KCNG2: variants seen among roughly 807,000 people sequenced by gnomAD.
KCNG2 encodes the protein potassium voltage-gated channel modifier subfamily G member 2.
In KCNG2, 7 loss-of-function variants were observed where a neutral mutation model predicts 12.3. The ratio of observed to expected loss-of-function variants is 0.57; its 90% CI spans 0.32 to 1.07. The LOEUF (loss-of-function observed/expected upper bound fraction) is 1.07. Ranked by LOEUF, KCNG2 falls within the 50% of genes least tolerant of loss-of-function variation. The pLI is 0.04. For missense variants in KCNG2, 703 were observed against 726.0 expected (o/e 0.97, Z 0.36); for synonymous variants, 414 against 351.4 (o/e 1.18, Z -1.99).
rs2123068070 is a variant in KCNG2 at position 79,864,005 on chromosome 18, C to T, written c.338C>T (p.Ala113Val). Residue 113 changes from alanine (A) to valine (V), a missense_variant, in exon 3 of 4, where the codon GCG (alanine) becomes GTG (valine). By Grantham distance (64) the Ala-to-Val change is moderately conservative. Transcript: ENST00000316249. Reference sequence around the variant, plus strand: ...CTGGCCTACTGGGGCATCGACGAGGCGCGCCTGGAGCGCTGCTGCCTGCGC... The same window carrying T: ...CTGGCCTACTGGGGCATCGACGAGGTGCGCCTGGAGCGCTGCTGCCTGCGC... ...DELAYWGIDE[A>V]RLERCCLRRL... 2 of 1,189,380 alleles carry T rather than the reference C, an allele frequency of 1.7e-6. No homozygotes were observed. Among genetic ancestry groups the T allele is most frequent in the Middle Eastern group, 2.7e-4 (1 of 3,758 alleles). The allele number at this position is 1,189,380 out of a possible 1,614,324, so 73.7% of individuals were successfully genotyped here. A position where few individuals can be genotyped will look rare whatever the true frequency, so the allele number is the denominator to read the frequency against.
chr18:79,855,577 C>T (rs1978981262), intron 1 of KCNG2, among the ~76,000 whole-genome samples: 1 of 152,054 alleles, frequency 6.6e-6, no homozygotes, highest in Admixed American at 6.6e-5. Flanking sequence ...CCCCACTGTG[C>T]ATGCTAGGCT....
chr18:79,890,412 T>C (rs899657123), intron 3 of KCNG2, among the ~76,000 whole-genome samples: 3 of 152,150 alleles, frequency 2.0e-5, no homozygotes, highest in African/African-American at 4.8e-5. Context: ...GTAGGATTGG[T>C]CCTGTCACCC....
At chr18:79,891,065 T>C (rs1980727424) in intron 3 of KCNG2, among the ~76,000 whole-genome samples, 1 of 152,196 alleles carries the variant, frequency 6.6e-6, no homozygotes, top group Non-Finnish European at 1.5e-5. Context: ...TAATTCCTGC[T>C]CTCATCTTTG....
In KCNG2 at chr18:79,856,728, G is replaced by A. The variant is rs866220261; in HGVS notation, c.-41+276G>A. 3.9e-5 allele frequency among the ~76,000 whole-genome samples: 6 copies of A among 152,194 alleles called. 1 individual carries two copies. In the Middle Eastern group the frequency reaches 0.01, roughly 259 times the overall value. On this transcript the variant is annotated intron_variant, in intron 2 of 3. Coordinates refer to ENST00000316249, the MANE Select transcript of KCNG2 (RefSeq NM_012283.2). ...CGCCACAAAGGGCTCCAGCAGCTGG[G>A]TTTGCACGCTAGGCTTCTTCGACAA...
intron 3 of KCNG2, among the ~76,000 whole-genome samples, chr18:79,881,219 A>G (rs1254230449): frequency 6.6e-6 from 1 of 152,244 alleles, no homozygotes; most frequent in African/African-American, 2.4e-5. Flanking sequence ...CTATGTAGAA[A>G]CACACCATAT....
At chr18:79,867,662 G>A (rs1979660043) in intron 3 of KCNG2, among the ~76,000 whole-genome samples, 1 of 152,068 alleles carries the variant, frequency 6.6e-6, no homozygotes, top group African/African-American at 2.4e-5. Flanking sequence ...GACATTCACG[G>A]AGAAGGGGCT....
rs1194377232 is a variant in KCNG2 at position 79,882,872 on chromosome 18, CGCGTGGAGCGCGGAGGCCGGGTACAT to C, written c.625-16167_625-16142del. Among the ~76,000 whole-genome samples, 1,401 of 149,078 alleles carry C rather than the reference CGCGTGGAGCGCGGAGGCCGGGTACAT, an allele frequency of 9.4e-3. 103 individuals are homozygous for C. Among genetic ancestry groups the C allele is most frequent in the African/African-American group, 0.033 (1,310 of 39,472 alleles). ...GGAGCGCGGAGGCCGGGTACACCTG[CGCGTGGAGCGCGGAGGCCGGGTACAT>C]CTGCGCGTGGCACGCGGAGGCCGGG... is the stretch of plus-strand genomic sequence containing the variant. On this transcript the variant is annotated intron_variant, in intron 3 of 3. Coordinates refer to ENST00000316249, the MANE Select transcript of KCNG2 (RefSeq NM_012283.2).
At chr18:79,821,134 G>A (rs1443884374) in intron 1 of KCNG2, among the ~76,000 whole-genome samples, 1 of 152,106 alleles carries the variant, frequency 6.6e-6, no homozygotes, top group African/African-American at 2.4e-5. Context: ...ATGAAGCTCA[G>A]TTGATCTATT....
Position 79,887,360 on chromosome 18 carries a change from A to ACACTGGGCTCAGAGC in KCNG2, c.625-11676_625-11662dup, listed in dbSNP as rs1188294786. On this transcript the variant is annotated intron_variant, in intron 3 of 3. Coordinates refer to ENST00000316249, the MANE Select transcript of KCNG2 (RefSeq NM_012283.2). Reference sequence around the variant, plus strand: ...GAGGCCACGGGACTGTTTCCAGGACACACTGGGCTCAGAGCCACGGGGCTG... The same window carrying ACACTGGGCTCAGAGC: ...GAGGCCACGGGACTGTTTCCAGGACACACTGGGCTCAGAGCCACTGGGCTCAGAGCCACGGGGCTG... 1.1e-4 allele frequency among the ~76,000 whole-genome samples: 16 copies of ACACTGGGCTCAGAGC among 152,026 alleles called. No individual in the cohort carries two copies. In the East Asian group the frequency reaches 3.1e-3, roughly 29 times the overall value.
intron 1 of KCNG2, among the ~76,000 whole-genome samples, chr18:79,818,249 C>T (rs1317375862): frequency 1.3e-5 from 2 of 152,228 alleles, no homozygotes; most frequent in East Asian, 3.9e-4. Flanking sequence ...ACCCTCCTCC[C>T]AGAAGGAGGC....
chr18:79,873,431 C>G lies in KCNG2; in HGVS notation c.624+9140C>G, dbSNP rs868747422. 3.5e-4 allele frequency among the ~76,000 whole-genome samples: 50 copies of G among 144,208 alleles called. 2 individuals are homozygous for G. The highest frequency in any genetic ancestry group is 1.2e-3 in the African/African-American group (46 of 39,412). 94.6% of individuals were successfully genotyped at this position (144,208 alleles called of 152,430 possible). A position where few individuals can be genotyped will look rare whatever the true frequency, so the allele number is the denominator to read the frequency against. On this transcript the variant is annotated intron_variant, in intron 3 of 3. Transcript: ENST00000316249. ...GCCGCTCCTGCCGGCCCCCCTCCCC[C>G]CCCCCCAGCCACCTCCTGTCAGTCT...
intron 3 of KCNG2, among the ~76,000 whole-genome samples, chr18:79,877,036 G>A (rs546989788): frequency 1.6e-4 from 25 of 152,364 alleles, no homozygotes; most frequent in Non-Finnish European, 2.6e-4. Flanking sequence ...AATTCCAGGC[G>A]AGCACATTCT....
At chr18:79,891,594 C>G (rs984214644) in intron 3 of KCNG2, among the ~76,000 whole-genome samples, 2 of 152,218 alleles carry the variant, frequency 1.3e-5, no homozygotes, top group African/African-American at 4.8e-5. Context: ...TCTTACTCAT[C>G]TCCAAGTCTG....
chr18:79,859,850 T>G (rs921170378), intron 2 of KCNG2, among the ~76,000 whole-genome samples: 1 of 152,244 alleles, frequency 6.6e-6, no homozygotes, highest in Admixed American at 6.5e-5. Context: ...ACACTAGTAC[T>G]ACACTCTTGA....
chr18:79,899,734 C>T lies in KCNG2; in HGVS notation c.1319C>T (p.Thr440Ile), dbSNP rs1363764742. ...QEDSTHSATA[T>I]EDSSQGPDSA... is the part of the protein sequence containing the mutation. Reference sequence around the variant, plus strand: ...GACAGCACGCACTCGGCCACAGCCACCGAGGACAGCTCGCAGGGCCCCGAC... The same window carrying T: ...GACAGCACGCACTCGGCCACAGCCATCGAGGACAGCTCGCAGGGCCCCGAC... Residue 440 changes from threonine (T) to isoleucine (I), a missense_variant, in exon 4 of 4, where the codon ACC (threonine) becomes ATC (isoleucine). Physicochemically the swap from Thr to Ile is moderately conservative, Grantham distance 89 (BLOSUM62 -1). Coordinates refer to ENST00000316249, the MANE Select transcript of KCNG2 (RefSeq NM_012283.2). 4 of 1,596,174 alleles carry T rather than the reference C, an allele frequency of 2.5e-6. No homozygotes were observed. In the African/African-American group the frequency reaches 5.5e-5, roughly 22 times the overall value.
intron 3 of KCNG2, among the ~76,000 whole-genome samples, chr18:79,866,738 T>TGA (rs1223787432): frequency 0.063 from 3,813 of 60,946 alleles, 72 homozygotes; most frequent in Non-Finnish European, 0.098. Flanking sequence ...GTCTGGGTAC[T>TGA]GTGGTCTGGG....
chr18:79,847,861 C>T (rs1453725949), intron 1 of KCNG2, among the ~76,000 whole-genome samples: 2 of 152,136 alleles, frequency 1.3e-5, no homozygotes, highest in Non-Finnish European at 2.9e-5. Context: ...ACACAATGCC[C>T]GAGGCACTAA....
chr18:79,856,319 G>T (rs560369465), intron 1 of KCNG2, among the ~76,000 whole-genome samples, 60 bp from the exon 2 acceptor site: 1 of 152,342 alleles, frequency 6.6e-6, no homozygotes, highest in South Asian at 2.1e-4. Context: ...ACGATGCTCC[G>T]CAGTAATAAC....
chr18:79,897,791 C>T lies in KCNG2; in HGVS notation c.625-1249C>T, dbSNP rs907919319. Among the ~76,000 whole-genome samples, 3 of 152,036 alleles carry T rather than the reference C, an allele frequency of 2.0e-5. No individual in the cohort carries two copies. In the South Asian group the frequency reaches 6.3e-4, roughly 32 times the overall value. ...GTTGTGATGCCTGTGTGCCCCTCTT[C>T]CTCCCCAGCAACAGTCTCGGTGTCG... On this transcript the variant is annotated intron_variant, in intron 3 of 3. Transcript: ENST00000316249.
Sources: gnomAD v4.1 joint callset for allele counts (sites outside exome capture counted in the v4.1 genomes callset) on GRCh38, gnomAD v4.1.1 for gene constraint, MANE v1.5 for transcripts, NCBI Gene and HGNC (gene_info 2026-07-23, HGNC 2026-07-21) for gene names.